The following KIAA1328 variants were observed in gnomAD, a reference collection of about 807,000 sequenced individuals.
KIAA1328 encodes KIAA1328.
A neutral mutation model predicts 68.1 loss-of-function variants in KIAA1328; 52 were observed. The ratio of observed to expected loss-of-function variants is 0.76; its 90% CI spans 0.61 to 0.96. The LOEUF (loss-of-function observed/expected upper bound fraction) is 0.96. KIAA1328 is among the 40% of genes least tolerant of loss of function. The pLI is 0.00. For synonymous variants in KIAA1328, 232 were observed against 239.4 expected (o/e 0.97, Z 0.28); for missense variants, 641 against 677.6 (o/e 0.95, Z 0.60).
chr18:37,002,281 T>G (rs1358900980), intron 6 of KIAA1328, among the ~76,000 whole-genome samples: 5 of 139,734 alleles, frequency 3.6e-5, no homozygotes, highest in African/African-American at 1.3e-4. Flanking sequence ...TGATCATAGC[T>G]CACTGTAGCC....
At chr18:37,082,325 C>G (rs1378927474) in intron 7 of KIAA1328, among the ~76,000 whole-genome samples, 1 of 152,018 alleles carries the variant, frequency 6.6e-6, no homozygotes, top group Non-Finnish European at 1.5e-5. Flanking sequence ...GCACCTGCCA[C>G]CACGCACAGC....
chr18:37,135,218 T>C (rs2058617173), intron 7 of KIAA1328, among the ~76,000 whole-genome samples: 1 of 152,208 alleles, frequency 6.6e-6, no homozygotes, highest in Admixed American at 6.5e-5. Flanking sequence ...ATACACCTAA[T>C]AGTGGGATTG....
chr18:36,939,949 ATT>A (rs1465819359), intron 5 of KIAA1328, among the ~76,000 whole-genome samples: 1 of 152,196 alleles, frequency 6.6e-6, no homozygotes, highest in Non-Finnish European at 1.5e-5. Context: ...AGGAATTAAC[ATT>A]TAGACATATT....
At chr18:37,188,331 C>T (rs2059842353) in intron 9 of KIAA1328, among the ~76,000 whole-genome samples, 1 of 152,158 alleles carries the variant, frequency 6.6e-6, no homozygotes, top group South Asian at 2.1e-4. Flanking sequence ...CCACAGCCAG[C>T]TCCTGTCTTC....
intron 7 of KIAA1328, among the ~76,000 whole-genome samples, chr18:37,097,987 G>T (rs1206746538): frequency 6.6e-6 from 1 of 152,136 alleles, no homozygotes; most frequent in African/African-American, 2.4e-5. Flanking sequence ...AGACAGTGGG[G>T]TTTTCTAGAT....
At chr18:37,180,042 C>T (rs1012333614) in intron 9 of KIAA1328, among the ~76,000 whole-genome samples, 1 of 144,988 alleles carries the variant, frequency 6.9e-6, no homozygotes, top group Non-Finnish European at 1.5e-5. Context: ...TTGACAGCTG[C>T]CATGGGATTC....
rs80037379 is a variant in KIAA1328, at chr18:37,086,564, C to G, written c.1232+19019C>G. 9.4e-3 allele frequency among the ~76,000 whole-genome samples: 1,435 copies of G among 152,232 alleles called. 25 individuals carry two copies. The highest frequency in any genetic ancestry group is 0.033 in the African/African-American group (1,387 of 41,534). The stretch of plus-strand genomic sequence containing the variant: ...ATCCTCTTTTTGGTTTATACCCTTT[C>G]ATCTTACTAAAACATGCGCTGCAGT... On this transcript the variant is annotated intron_variant, in intron 7 of 9. Transcript: ENST00000280020.
At chr18:37,097,156 A>G (rs1483111729) in intron 7 of KIAA1328, among the ~76,000 whole-genome samples, 1 of 152,152 alleles carries the variant, frequency 6.6e-6, no homozygotes, top group Non-Finnish European at 1.5e-5. Flanking sequence ...GCCCATGCCT[A>G]TGTCCTGAAT....
At chr18:37,158,403 G>A (rs921264406) in intron 7 of KIAA1328, among the ~76,000 whole-genome samples, 1 of 152,100 alleles carries the variant, frequency 6.6e-6, no homozygotes, top group African/African-American at 2.4e-5. Context: ...GTCCCCACAC[G>A]CTCACTGACA....
At chr18:37,090,169 A>C (rs1301691572) in intron 7 of KIAA1328, among the ~76,000 whole-genome samples, 1 of 152,234 alleles carries the variant, frequency 6.6e-6, no homozygotes, top group African/African-American at 2.4e-5. Context: ...TTATAAAAAA[A>C]GTTTTCACTT....
At chr18:37,048,973 A>T (rs2055583598) in intron 6 of KIAA1328, among the ~76,000 whole-genome samples, 1 of 152,176 alleles carries the variant, frequency 6.6e-6, no homozygotes, top group Admixed American at 6.5e-5. Context: ...TATGAGGTTG[A>T]AAGTAACATT....
At chr18:37,021,883 A>G (rs1411614844) in intron 6 of KIAA1328, among the ~76,000 whole-genome samples, 1 of 152,008 alleles carries the variant, frequency 6.6e-6, no homozygotes, top group Non-Finnish European at 1.5e-5. Flanking sequence ...CCAAAAAAAT[A>G]CAAAAAATTA....
chr18:37,118,994 TG>T (rs1242271894), intron 7 of KIAA1328, among the ~76,000 whole-genome samples: 3 of 152,170 alleles, frequency 2.0e-5, no homozygotes. Context: ...TGCTTTGTCA[TG>T]ATGGGGGATA....
intron 6 of KIAA1328, among the ~76,000 whole-genome samples, chr18:37,024,194 A>G (rs952059609): frequency 3.3e-5 from 5 of 151,952 alleles, no homozygotes; most frequent in African/African-American, 1.2e-4. Context: ...GGGTACTGCT[A>G]TGTTGATCGG....
chr18:37,045,180 T>G (rs570917194), intron 6 of KIAA1328, among the ~76,000 whole-genome samples: 78 of 152,322 alleles, frequency 5.1e-4, no homozygotes, highest in African/African-American at 1.8e-3. Context: ...AATAAATACC[T>G]GTTTTAACAA....
At chr18:37,181,638 G>C (rs1439014990) in intron 9 of KIAA1328, among the ~76,000 whole-genome samples, 2 of 152,124 alleles carry the variant, frequency 1.3e-5, no homozygotes, top group Admixed American at 1.3e-4. Context: ...AGTGAATTCA[G>C]CTTGAAGAAG....
chr18:37,097,954 C>G (rs1333136933), intron 7 of KIAA1328, among the ~76,000 whole-genome samples: 3 of 152,144 alleles, frequency 2.0e-5, no homozygotes, highest in East Asian at 3.8e-4. Flanking sequence ...AGTTGCTTAT[C>G]AGCTTAAGGA....
chr18:37,103,088 T>A (rs2057670758), intron 7 of KIAA1328, among the ~76,000 whole-genome samples: 1 of 152,180 alleles, frequency 6.6e-6, no homozygotes, highest in Non-Finnish European at 1.5e-5. Flanking sequence ...AGAATATTGT[T>A]AAAATGACTC....
intron 7 of KIAA1328, among the ~76,000 whole-genome samples, chr18:37,112,141 A>C (rs952286858): frequency 6.6e-6 from 1 of 152,214 alleles, no homozygotes; most frequent in African/African-American, 2.4e-5. Context: ...TGCAGACTTA[A>C]ACGTCTCTGT....
Sources: gnomAD v4.1 joint callset for allele counts (sites outside exome capture counted in the v4.1 genomes callset) on GRCh38, gnomAD v4.1.1 for gene constraint, MANE v1.5 for transcripts, NCBI Gene and HGNC (gene_info 2026-07-23, HGNC 2026-07-21) for gene names.